The following FHIT variants were observed in gnomAD, a reference collection of about 807,000 sequenced individuals.
The protein encoded by FHIT is fragile histidine triad diadenosine triphosphatase.
Under a neutral mutation model 17.9 loss-of-function variants are expected in FHIT, and 19 were observed. That is an observed-to-expected ratio of 1.06 (90% CI 0.74 to 1.56). The LOEUF (loss-of-function observed/expected upper bound fraction) is 1.56. Among genes scored for constraint, FHIT ranks in the 40% most tolerant of loss-of-function variants. FHIT has a pLI of 0.00. For synonymous variants in FHIT, 81 were observed against 69.7 expected, an observed-to-expected ratio of 1.16 and a Z score of -0.81; for missense variants, 248 against 189.2, an observed-to-expected ratio of 1.31 and a Z score of -1.82.
chr3:59,978,053 G>C (rs1485861334), intron 7 of FHIT, among the ~76,000 whole-genome samples: 3 of 152,158 alleles, frequency 2.0e-5, no homozygotes, highest in East Asian at 3.9e-4. Flanking sequence ...CTATGTATGG[G>C]CTGTCATGTA....
chr3:59,754,715 C>G lies in FHIT; in HGVS notation c.349-2394G>C, dbSNP rs377090262. On this transcript the variant is annotated intron_variant, in intron 8 of 9. Transcript: ENST00000492590. The stretch of plus-strand genomic sequence containing the variant: ...GGCAACCGTCTGTTATTGTCATATG[C>G]CTTACAGATGGCAACATTGTGCCAA... 3.9e-5 allele frequency among the ~76,000 whole-genome samples: 6 copies of G among 152,268 alleles called. No individual in the cohort carries two copies. The East Asian group carries it at 1.2e-3, about 29-fold the overall frequency.
At chr3:59,860,101 T>A (rs1665284760) in intron 8 of FHIT, among the ~76,000 whole-genome samples, 1 of 152,198 alleles carries the variant, frequency 6.6e-6, no homozygotes, top group South Asian at 2.1e-4. Flanking sequence ...CTTGCTACCC[T>A]TCTGTCGGTT....
At chr3:60,524,753 T>C (rs933751252) in intron 5 of FHIT, among the ~76,000 whole-genome samples, 1 of 152,178 alleles carries the variant, frequency 6.6e-6, no homozygotes, top group Non-Finnish European at 1.5e-5. Context: ...TGTCCTCCTT[T>C]TCTCCATGTA....
rs139684970 is a variant in FHIT at position 60,560,844 on chromosome 3, C to CACACAGAGAG, written c.-17-23866_-17-23865insCTCTCTGTGT. ...ACACACACACACACACACACACACA[C>CACACAGAGAG]AGAGAGAGAGAGAGTGTGTGTGTGT... is the stretch of plus-strand genomic sequence containing the variant. On this transcript the variant is annotated intron_variant, in intron 4 of 9. Coordinates refer to ENST00000492590, the MANE Select transcript of FHIT (RefSeq NM_002012.4). Among the ~76,000 whole-genome samples the CACACAGAGAG allele has an allele frequency of 9.4e-3, 1,153 of 122,246 alleles. 10 individuals are homozygous for CACACAGAGAG. Among genetic ancestry groups the CACACAGAGAG allele is most frequent in the Admixed American group, 0.033 (382 of 11,716 alleles). 80.2% of individuals were successfully genotyped at this position (122,246 alleles called of 152,430 possible). A position where few individuals can be genotyped will look rare whatever the true frequency, so the allele number is the denominator to read the frequency against.
At chr3:61,191,371 G>A (rs1366020800) in intron 2 of FHIT, among the ~76,000 whole-genome samples, 1 of 152,080 alleles carries the variant, frequency 6.6e-6, no homozygotes. Context: ...CCTCAGACTG[G>A]GATTATGCCA....
At chr3:60,699,363 G>C (rs2041185912) in intron 4 of FHIT, among the ~76,000 whole-genome samples, 2 of 152,168 alleles carry the variant, frequency 1.3e-5, no homozygotes, top group East Asian at 3.8e-4. Context: ...AAGGTAGGTA[G>C]ATTTCCCTCT....
intron 3 of FHIT, among the ~76,000 whole-genome samples, chr3:60,866,397 G>C (rs1553753861): frequency 1.3e-5 from 2 of 152,116 alleles, no homozygotes; most frequent in African/African-American, 4.8e-5. Context: ...GCTGTCTCTG[G>C]AGGAAGCCAG....
chr3:61,139,170 T>G, intron 2 of FHIT, among the ~76,000 whole-genome samples: 1 of 151,830 alleles, frequency 6.6e-6, no homozygotes. Context: ...GCTGGGACTA[T>G]AGGCATGTGC....
intron 2 of FHIT, among the ~76,000 whole-genome samples, chr3:61,189,398 G>A (rs1345657276): frequency 6.6e-6 from 1 of 152,132 alleles, no homozygotes; most frequent in Non-Finnish European, 1.5e-5. Context: ...ACCTCTTGAA[G>A]GAGAACTACA....
At chr3:59,878,918 T>C (rs552729628) in intron 8 of FHIT, among the ~76,000 whole-genome samples, 1 of 152,292 alleles carries the variant, frequency 6.6e-6, no homozygotes, top group South Asian at 2.1e-4. Flanking sequence ...GTTCATATCT[T>C]ATACTGTGAT....
intron 5 of FHIT, among the ~76,000 whole-genome samples, chr3:60,339,409 C>A (rs1013190657): frequency 1.3e-5 from 2 of 152,114 alleles, no homozygotes; most frequent in African/African-American, 4.8e-5. Flanking sequence ...CCTAACACAC[C>A]CATGGAAGAT....
chr3:60,814,459 T>C (rs1553736984), intron 4 of FHIT, among the ~76,000 whole-genome samples: 1 of 152,160 alleles, frequency 6.6e-6, no homozygotes, highest in African/African-American at 2.4e-5. Flanking sequence ...ACATGTGGCA[T>C]TTAGTTTTCT....
chr3:59,760,599 A>C (rs908830535), intron 8 of FHIT, among the ~76,000 whole-genome samples: 3 of 152,128 alleles, frequency 2.0e-5, no homozygotes, highest in Non-Finnish European at 4.4e-5. Flanking sequence ...TTAGACATGA[A>C]AGTTCACAGT....
At chr3:60,890,148 T>G (rs1385266975) in intron 3 of FHIT, among the ~76,000 whole-genome samples, 1 of 150,338 alleles carries the variant, frequency 6.7e-6, no homozygotes, top group Non-Finnish European at 1.5e-5. Context: ...CACAGTGTTC[T>G]ACTTCCAGGT....
chr3:60,787,645 T>C (rs1320238679), intron 4 of FHIT, among the ~76,000 whole-genome samples: 3 of 152,234 alleles, frequency 2.0e-5, no homozygotes, highest in Non-Finnish European at 2.9e-5. Flanking sequence ...CTTTGTGCAT[T>C]CTGTGTTTGT....
intron 4 of FHIT, chr3:60,690,577 T>A: frequency 1.8e-6 from 1 of 543,516 alleles, no homozygotes; most frequent in South Asian, 1.4e-5. Context: ...GTAACCCTCA[T>A]AATCAAATCC....
intron 4 of FHIT, among the ~76,000 whole-genome samples, chr3:60,589,598 G>A (rs1333395378): frequency 3.9e-5 from 6 of 151,992 alleles, no homozygotes; most frequent in Non-Finnish European, 8.8e-5. Flanking sequence ...CTTTGTCCAC[G>A]TCGGGGGATA....
chr3:60,675,635 T>G lies in FHIT; in HGVS notation c.-17-138656A>C, dbSNP rs148629091. Among the ~76,000 whole-genome samples, 62 of 152,334 alleles carry G rather than the reference T, an allele frequency of 4.1e-4. 1 individual carries two copies. The highest frequency in any genetic ancestry group is 1.4e-3 in the African/African-American group (60 of 41,572). ...TTATGTATTGGTTGCACCTGATACC[T>G]AAGCAGTAGTCTGCTCTCTTTTGCA... On this transcript the variant is annotated intron_variant, in intron 4 of 9. Transcript: ENST00000492590.
chr3:60,999,619 G>A (rs1406302339), intron 3 of FHIT, among the ~76,000 whole-genome samples: 1 of 151,650 alleles, frequency 6.6e-6, no homozygotes, highest in Non-Finnish European at 1.5e-5. Flanking sequence ...TTAAGGTCCT[G>A]GGAAACAGAT....
Sources: gnomAD v4.1 joint callset for allele counts (sites outside exome capture counted in the v4.1 genomes callset) on GRCh38, gnomAD v4.1.1 for gene constraint, MANE v1.5 for transcripts, NCBI Gene and HGNC (gene_info 2026-07-23, HGNC 2026-07-21) for gene names.